Variants in FAF2 observed in about 807,000 individuals in gnomAD.
FAF2 encodes the protein FAS-associated factor 2.
A neutral mutation model predicts 62.3 loss-of-function variants in FAF2; 9 were observed. The observed-to-expected ratio is 0.14, with a 90% CI of 0.09 to 0.25. The LOEUF (loss-of-function observed/expected upper bound fraction) is 0.25, where lower values mean the gene tolerates loss of function less well. Among genes scored for constraint, FAF2 ranks in the 10% least tolerant of loss-of-function variants. The pLI is 1.00. For synonymous variants in FAF2, 202 were observed against 198.0 expected, an observed-to-expected ratio of 1.02 and a Z score of -0.17; for missense variants, 368 against 556.2, an observed-to-expected ratio of 0.66 and a Z score of 3.40.
At chr5:176,464,266 T>C (rs1182792948) in intron 1 of FAF2, among the ~76,000 whole-genome samples, 2 of 152,094 alleles carry the variant, frequency 1.3e-5, no homozygotes, top group African/African-American at 2.4e-5. Context: ...TTTTAATTGC[T>C]TGGATAAAGA....
intron 1 of FAF2, among the ~76,000 whole-genome samples, chr5:176,451,383 T>G (rs902183240): frequency 6.6e-6 from 1 of 151,852 alleles, no homozygotes; most frequent in African/African-American, 2.4e-5. Context: ...AAAAAAAATT[T>G]TTTTTTAAGT....
chr5:176,452,292 A>G (rs1450975250), intron 1 of FAF2, among the ~76,000 whole-genome samples: 1 of 152,122 alleles, frequency 6.6e-6, no homozygotes, highest in African/African-American at 2.4e-5. Flanking sequence ...TCCTGACCTC[A>G]GGTGATCCAC....
chr5:176,488,550 G>A (rs1758914601), intron 3 of FAF2, among the ~76,000 whole-genome samples: 2 of 152,062 alleles, frequency 1.3e-5, no homozygotes, highest in Non-Finnish European at 2.9e-5. Context: ...GCCTCCCTGA[G>A]TAGCTGGGAC....
intron 2 of FAF2, among the ~76,000 whole-genome samples, chr5:176,480,512 A>G (rs1758769272): frequency 6.6e-6 from 1 of 152,092 alleles, no homozygotes; most frequent in South Asian, 2.1e-4. Context: ...TTCTGGGCTC[A>G]AGCAATTTTC....
chr5:176,496,836 C>T (rs934568683), intron 8 of FAF2, 173 bp downstream of exon 8: 1 of 452,626 alleles, frequency 2.2e-6, no homozygotes, highest in African/African-American at 2.0e-5. Flanking sequence ...TACTCTATAT[C>T]AGGTAATCTG....
At chr5:176,473,926 G>A (rs1355460495) in intron 1 of FAF2, among the ~76,000 whole-genome samples, 1 of 152,146 alleles carries the variant, frequency 6.6e-6, no homozygotes, top group South Asian at 2.1e-4. Flanking sequence ...TTGACCACAA[G>A]ATTCTCTAGG....
intron 1 of FAF2, among the ~76,000 whole-genome samples, chr5:176,459,006 A>G (rs1758328346): frequency 6.6e-6 from 1 of 152,124 alleles, no homozygotes; most frequent in South Asian, 2.1e-4. Flanking sequence ...TTGTCATAAT[A>G]ATAAAATAAT....
chr5:176,473,375 T>C (rs1758606984), intron 1 of FAF2, among the ~76,000 whole-genome samples: 1 of 152,200 alleles, frequency 6.6e-6, no homozygotes, highest in Non-Finnish European at 1.5e-5. Flanking sequence ...GGCAGGAAGA[T>C]TACAGAGGTA....
intron 1 of FAF2, among the ~76,000 whole-genome samples, chr5:176,470,446 G>A (rs895935982): frequency 3.3e-5 from 5 of 152,242 alleles, no homozygotes; most frequent in Non-Finnish European, 7.3e-5. Flanking sequence ...GCGTGGTGGC[G>A]CATGCCTGTA....
intron 8 of FAF2, 126 bp downstream of exon 8, chr5:176,496,789 A>G: frequency 3.1e-6 from 2 of 636,338 alleles, no homozygotes; most frequent in African/African-American, 3.8e-5. Flanking sequence ...AGCTTTGCCC[A>G]TTTATTGTCA....
At chr5:176,481,070 G>A (rs1758776835) in intron 2 of FAF2, among the ~76,000 whole-genome samples, 2 of 151,968 alleles carry the variant, frequency 1.3e-5, no homozygotes, top group South Asian at 4.1e-4. Context: ...TTTTGAGATG[G>A]AGTTTTGCTC....
chr5:176,478,539 TA>T (rs1561821494), intron 1 of FAF2, among the ~76,000 whole-genome samples: 1 of 152,194 alleles, frequency 6.6e-6, no homozygotes, highest in East Asian at 1.9e-4. Context: ...GTTCATATTA[TA>T]AACTAGGTTA....
chr5:176,473,215 C>A (rs919693401), intron 1 of FAF2, among the ~76,000 whole-genome samples: 2 of 152,150 alleles, frequency 1.3e-5, no homozygotes, highest in African/African-American at 4.8e-5. Context: ...ATCTTAGGTT[C>A]CTCTGGGCTG....
chr5:176,502,850 C>T (rs776019282), intron 10 of FAF2, among the ~76,000 whole-genome samples: 1 of 151,660 alleles, frequency 6.6e-6, no homozygotes, highest in Non-Finnish European at 1.5e-5. Context: ...GAGTTCCAAA[C>T]CAGCCTGGCC....
intron 1 of FAF2, among the ~76,000 whole-genome samples, chr5:176,463,870 C>T (rs1293598344): frequency 1.3e-5 from 2 of 151,822 alleles, no homozygotes; most frequent in South Asian, 4.1e-4. Flanking sequence ...GCTAGGATTA[C>T]AGGTGCTCAC....
chr5:176,454,766 T>C (rs189024747), intron 1 of FAF2, among the ~76,000 whole-genome samples: 7 of 152,318 alleles, frequency 4.6e-5, no homozygotes, highest in Admixed American at 4.6e-4. Flanking sequence ...GGAAGCTCTC[T>C]TAACCTTAAC....
At chr5:176,462,339 T>C (rs925783132) in intron 1 of FAF2, among the ~76,000 whole-genome samples, 2 of 151,976 alleles carry the variant, frequency 1.3e-5, no homozygotes, top group Non-Finnish European at 2.9e-5. Flanking sequence ...TTAATTGATA[T>C]TTAATAGACT....
At chr5:176,487,429 C>T (rs185826236) in intron 3 of FAF2, among the ~76,000 whole-genome samples, 1,774 of 152,054 alleles carry the variant, frequency 0.012, 22 homozygotes, top group African/African-American at 0.041. Flanking sequence ...GTTATCTGCC[C>T]ACCTCAGCCT....
At chr5:176,502,067 A>G (rs1755601251) in intron 10 of FAF2, among the ~76,000 whole-genome samples, 1 of 151,802 alleles carries the variant, frequency 6.6e-6, no homozygotes, top group African/African-American at 2.4e-5. Flanking sequence ...CCATGTCTCT[A>G]ACTTTGGATT....
Sources: allele counts gnomAD v4.1 joint callset (sites outside exome capture counted in the v4.1 genomes callset), GRCh38; gene constraint gnomAD v4.1.1; transcripts MANE v1.5; gene names NCBI Gene and HGNC (gene_info 2026-07-23, HGNC 2026-07-21).